DNM1: variants seen among roughly 807,000 people sequenced by gnomAD.
The protein encoded by DNM1 is dynamin-1.
DNM1 carries 29 observed loss-of-function variants against 104.6 expected under a neutral mutation model. The ratio of observed to expected loss-of-function variants is 0.28; its 90% CI spans 0.21 to 0.38. The LOEUF (loss-of-function observed/expected upper bound fraction) is 0.38, where lower values mean the gene tolerates loss of function less well. DNM1 is among the 10% of genes least tolerant of loss of function. The probability of loss-of-function intolerance (pLI) is 1.00; values close to 1 mark genes in which losing one functional copy is unlikely to be tolerated. For missense variants in DNM1, 640 were observed against 1,189.4 expected, an observed-to-expected ratio of 0.54 and a Z score of 6.79; for synonymous variants, 445 against 475.8, an observed-to-expected ratio of 0.94 and a Z score of 0.84.
chr9:128,246,924 C>G (rs1241974912), intron 16 of DNM1: 8 of 248,934 alleles, frequency 3.2e-5, no homozygotes, highest in Admixed American at 2.8e-4. Flanking sequence ...TTCTCCTGCT[C>G]TCTTTCCTAT....
At position 128,249,656 on chromosome 9, in the gene DNM1, C is replaced by CAA. The variant is rs36042863; in HGVS notation, c.2077-446_2077-445dup. ...GGGTAACAAGAGTGAAACTCCGTCT[C>CAA]AAAAAAAAAAAAAAGAATAGCTGGG... On this transcript the variant is annotated intron_variant, in intron 19 of 21. Transcript: ENST00000372923. Among the ~76,000 whole-genome samples, 1,181 of 129,622 alleles carry CAA rather than the reference C, an allele frequency of 9.1e-3. 12 individuals are homozygous for CAA. The highest frequency in any genetic ancestry group is 0.027 in the African/African-American group (959 of 35,714). 85.0% of individuals were successfully genotyped at this position (129,622 alleles called of 152,430 possible).
At chr9:128,238,395 T>C (rs1225497855) in intron 11 of DNM1, among the ~76,000 whole-genome samples, 1 of 151,996 alleles carries the variant, frequency 6.6e-6, no homozygotes, top group African/African-American at 2.4e-5. Context: ...CATCTAATTT[T>C]GTATTTTTAG....
rs61020870 is a variant in DNM1, at chr9:128,220,742, C to CGCGCGCAT, written c.849+402_849+403insCGCGCATG. On this transcript the variant is annotated intron_variant, in intron 6 of 21. Coordinates refer to ENST00000372923, the MANE Select transcript of DNM1 (RefSeq NM_004408.4). This position sits in a 1 kb window ranked among gnomAD's most constrained non-coding sequence, Gnocchi z 5.2. The stretch of plus-strand genomic sequence containing the variant: ...CAGAACTGAAGTGCGCGCGCGCGCG[C>CGCGCGCAT]GTGTGTGTGTGTGTGTGTGTGTGTG... 1.0e-4 allele frequency among the ~76,000 whole-genome samples: 14 copies of CGCGCGCAT among 136,364 alleles called. No individual in the cohort carries two copies. The highest frequency in any genetic ancestry group is 8.5e-4 in the South Asian group (3 of 3,542). 89.5% of individuals were successfully genotyped at this position (136,364 alleles called of 152,430 possible).
At chr9:128,252,528 G>C in intron 21 of DNM1, 1 of 390,802 alleles carries the variant, frequency 2.6e-6, no homozygotes, top group Admixed American at 3.1e-5. Context: ...CTGCAACGAG[G>C]ACAGCCACTG....
chr9:128,227,719 G>A (rs1164097035), intron 10 of DNM1, among the ~76,000 whole-genome samples: 2 of 152,092 alleles, frequency 1.3e-5, no homozygotes, highest in Non-Finnish European at 2.9e-5. Context: ...GTATTCCACT[G>A]TAGAAATGTG....
intron 11 of DNM1, among the ~76,000 whole-genome samples, chr9:128,238,984 C>T (rs1364895893): frequency 1.3e-5 from 2 of 148,970 alleles, no homozygotes; most frequent in Non-Finnish European, 3.0e-5. Context: ...TTCTTTCATC[C>T]TCTCCTCTCC....
Position 128,224,439 on chromosome 9 carries a change from C to A in DNM1, c.1335+50C>A. The A allele has an allele frequency of 6.4e-7, 1 of 1,553,856 alleles. No individual in the cohort carries two copies. The highest frequency in any genetic ancestry group is 8.8e-7 in the Non-Finnish European group (1 of 1,141,520). ...CCCACCGCCTCTGCCCCGCCCTGCA[C>A]TGCTGCCAGGCGCTCCTTCCCCATG... On this transcript the variant is annotated intron_variant, in intron 10 of 21. Coordinates refer to ENST00000372923, the MANE Select transcript of DNM1 (RefSeq NM_004408.4). The surrounding 1 kb of genome is among the most constrained non-coding windows in gnomAD (Gnocchi z 4.3).
In DNM1 at chr9:128,222,330, C is replaced by A; in HGVS notation, c.983C>A (p.Ala328Asp). 1 of 1,613,176 alleles carries A rather than the reference C, an allele frequency of 6.2e-7. No homozygotes were observed. The highest frequency in any genetic ancestry group is 8.5e-7 in the Non-Finnish European group (1 of 1,179,462). The change falls in exon 7 of 22, where the codon GCC (alanine) becomes GAC (aspartate). Residue 328 changes from alanine to aspartate, a missense_variant. Transcript: ENST00000372923. The surrounding 1 kb of genome is among the most constrained non-coding windows in gnomAD (Gnocchi z 7.8). ...RPDDPARKTK[A>D]LLQMVQQFAV... ...GATGACCCAGCTCGCAAGACCAAGG[C>A]CCTGCTGCAGTGAGGCTCCCCCAGC... is the stretch of plus-strand genomic sequence containing the variant.
rs766023182 is a variant in DNM1 at position 128,219,032 on chromosome 9, C to T, written c.386-17C>T. 4.8e-5 allele frequency: 77 copies of T among 1,612,958 alleles called. No individual in the cohort carries two copies. Among genetic ancestry groups the T allele is most frequent in the Non-Finnish European group, 6.5e-5 (77 of 1,179,618 alleles). ...ACGCCCCTCGCCTTGAGCCCGCCCT[C>T]TCGCCGCCCTGTCCAGTGCTGAACC... On this transcript the variant is annotated splice_polypyrimidine_tract_variant and intron_variant, in intron 3 of 21. Coordinates refer to ENST00000372923, the MANE Select transcript of DNM1 (RefSeq NM_004408.4).
rs141079649 is a variant in DNM1 at position 128,219,225 on chromosome 9, A to C, written c.562A>C (p.Lys188Gln). 2 of 1,613,954 alleles carry C rather than the reference A, an allele frequency of 1.2e-6. No homozygotes were observed. Among genetic ancestry groups the C allele is most frequent in the Non-Finnish European group, 8.5e-7 (1 of 1,180,018 alleles). Residue 188 changes from lysine (K) to glutamine (Q), a missense_variant, in exon 4 of 22, where the codon AAG (lysine) becomes CAG (glutamine). Coordinates refer to ENST00000372923, the MANE Select transcript of DNM1 (RefSeq NM_004408.4). The part of the protein sequence containing the change: ...NSDLANSDAL[K>Q]VAKEVDPQGQ... ...TGACCTGGCCAATTCTGACGCCCTC[A>C]AGGTCGCCAAGGAGGTGGACCCCCA... is the stretch of plus-strand genomic sequence containing the variant.
chr9:128,247,734 T>C lies in DNM1; in HGVS notation c.1894-190T>C, dbSNP rs1220703939. ...TGGCATTTCCTCCATCCCCTTTCTA[T>C]GATGGTAGTTTCTTGTGACTGCCTT... On this transcript the variant is annotated intron_variant, in intron 17 of 21. Coordinates refer to ENST00000372923, the MANE Select transcript of DNM1 (RefSeq NM_004408.4). This position sits in a 1 kb window ranked among gnomAD's most constrained non-coding sequence, Gnocchi z 5.1. 6.6e-6 allele frequency among the ~76,000 whole-genome samples: 1 copy of C among 152,212 alleles called. No individual in the cohort carries two copies. Among genetic ancestry groups the C allele is most frequent in the African/African-American group, 2.4e-5 (1 of 41,456 alleles).
chr9:128,245,806 A>C lies in DNM1; in HGVS notation c.1672-588A>C, dbSNP rs1836764924. Reference sequence around the variant, plus strand: ...ATGCTGGGCACCTCCCCAGATACACATGTGCACACACACACAATAGCTGAT... The same window carrying C: ...ATGCTGGGCACCTCCCCAGATACACCTGTGCACACACACACAATAGCTGAT... On this transcript the variant is annotated intron_variant, in intron 15 of 21. Coordinates refer to ENST00000372923, the MANE Select transcript of DNM1 (RefSeq NM_004408.4). This position sits in a 1 kb window ranked among gnomAD's most constrained non-coding sequence, Gnocchi z 5.2. 6.6e-6 allele frequency among the ~76,000 whole-genome samples: 1 copy of C among 152,230 alleles called. No individual in the cohort carries two copies. Among genetic ancestry groups the C allele is most frequent in the Admixed American group, 6.5e-5 (1 of 15,282 alleles).
At position 128,250,223 on chromosome 9, in the gene DNM1, C is replaced by A. The variant is rs780080751; in HGVS notation, c.2185C>A (p.Leu729Met). ...GCAGGCACAGCGGCGCGACGAGATG[C>A]TGCGCATGTACCACGCACTGAAGGA... is the stretch of plus-strand genomic sequence containing the variant. ...AEQAQRRDEM[L>M]RMYHALKEAL... The change falls in exon 20 of 22, where the codon CTG (leucine) becomes ATG (methionine). Residue 729 changes from leucine (L) to methionine (M), a missense_variant. Leu to Met is a conservative substitution (Grantham distance 15). This residue lies in a region of DNM1 where 129 missense variants were observed against 224.6 expected (regional missense o/e 0.57). Coordinates refer to ENST00000372923, the MANE Select transcript of DNM1 (RefSeq NM_004408.4). 1 of 1,614,152 alleles carries A rather than the reference C, an allele frequency of 6.2e-7. No homozygotes were observed. Among genetic ancestry groups the A allele is most frequent in the South Asian group, 1.1e-5 (1 of 91,080 alleles).
At chr9:128,208,015 T>C (rs1834072649) in intron 1 of DNM1, among the ~76,000 whole-genome samples, 1 of 150,520 alleles carries the variant, frequency 6.6e-6, no homozygotes, top group Admixed American at 6.6e-5. Flanking sequence ...AGGCTTTCTG[T>C]CTCCCCCAAT....
intron 10 of DNM1, chr9:128,232,162 C>T (rs761935901): frequency 7.3e-6 from 3 of 411,498 alleles, no homozygotes; most frequent in East Asian, 7.4e-5. Context: ...TGGCAAATTG[C>T]GCCCTCCTCC....
In DNM1 at chr9:128,240,707, C is replaced by G. The variant is rs1836312853; in HGVS notation, c.1557+711C>G. 6.6e-6 allele frequency: 1 copy of G among 152,418 alleles called. No individual in the cohort carries two copies. The highest frequency in any genetic ancestry group is 1.5e-5 in the Non-Finnish European group (1 of 68,220). 9.4% of individuals were successfully genotyped at this position (152,418 alleles called of 1,614,324 possible). ...GGGAGGAATGAATGTAGTATCAGGACAATTCAATTCAGCCAACACTAGCTG... is the reference window on the plus strand; with the variant it reads ...GGGAGGAATGAATGTAGTATCAGGAGAATTCAATTCAGCCAACACTAGCTG... On this transcript the variant is annotated intron_variant, in intron 14 of 21. Coordinates refer to ENST00000372923, the MANE Select transcript of DNM1 (RefSeq NM_004408.4). This position sits in a 1 kb window ranked among gnomAD's most constrained non-coding sequence, Gnocchi z 5.1.
At chr9:128,208,217 G>A (rs892622216) in intron 1 of DNM1, among the ~76,000 whole-genome samples, 16 of 152,010 alleles carry the variant, frequency 1.1e-4, no homozygotes, top group East Asian at 1.9e-4. Context: ...GTACCACCAC[G>A]CCCGGCTAAT....
chr9:128,227,568 G>A (rs1216614527), intron 10 of DNM1, among the ~76,000 whole-genome samples: 1 of 151,748 alleles, frequency 6.6e-6, no homozygotes, highest in Non-Finnish European at 1.5e-5. Flanking sequence ...TTTTAGTAGA[G>A]ACGGGGTTTC....
rs1554772796 is a variant in DNM1, at chr9:128,218,799, G to T, written c.385+68G>T. 1.3e-6 allele frequency: 2 copies of T among 1,501,938 alleles called. No individual in the cohort carries two copies. The highest frequency in any genetic ancestry group is 1.8e-6 in the Non-Finnish European group (2 of 1,121,630). 93.0% of individuals were successfully genotyped at this position (1,501,938 alleles called of 1,614,324 possible). On this transcript the variant is annotated intron_variant, in intron 3 of 21. Transcript: ENST00000372923. This position sits in a 1 kb window ranked among gnomAD's most constrained non-coding sequence, Gnocchi z 4.8. ...TTGGCCACGCACCTCTGCGTGCCTC[G>T]CTCCTCCTGCAGACTCCGCCCCTAG...
Sources: allele counts gnomAD v4.1 joint callset (sites outside exome capture counted in the v4.1 genomes callset), GRCh38; gene constraint gnomAD v4.1.1; regional missense constraint gnomAD v4.1.1; non-coding constraint Gnocchi (gnomAD v3.1); transcripts MANE v1.5; gene names NCBI Gene and HGNC (gene_info 2026-07-23, HGNC 2026-07-21).